The following LRMDA variants were observed in gnomAD, a reference collection of about 807,000 sequenced individuals.
LRMDA encodes leucine-rich melanocyte differentiation-associated protein.
A neutral mutation model predicts 29.8 loss-of-function variants in LRMDA; 18 were observed. The observed-to-expected ratio is 0.60, with a 90% confidence interval of 0.42 to 0.90. The LOEUF is 0.90. Ranked by LOEUF, LRMDA falls within the 40% of genes least tolerant of loss-of-function variation. LRMDA has a pLI of 0.00. For synonymous variants in LRMDA, 125 were observed against 109.4 expected (o/e 1.14, Z -0.89); for missense variants, 273 against 273.9 (o/e 1.00, Z 0.02).
chr10:76,200,071 C>T (rs1043269660), intron 5 of LRMDA, among the ~76,000 whole-genome samples: 2 of 152,186 alleles, frequency 1.3e-5, no homozygotes, highest in African/African-American at 4.8e-5. Context: ...AAGTGATCCT[C>T]CTGCCTCAGC....
chr10:75,606,720 T>G (rs757404861), intron 2 of LRMDA, among the ~76,000 whole-genome samples: 3 of 152,316 alleles, frequency 2.0e-5, no homozygotes, highest in Non-Finnish European at 4.4e-5. Flanking sequence ...TCTCTTTATA[T>G]TGGGAAAATT....
chr10:75,681,241 T>G (rs1842019128), intron 2 of LRMDA, among the ~76,000 whole-genome samples: 1 of 152,198 alleles, frequency 6.6e-6, no homozygotes, highest in African/African-American at 2.4e-5. Context: ...AATGATTGAT[T>G]TGGCTATGAG....
At chr10:76,274,667 A>C (rs1392582945) in intron 5 of LRMDA, among the ~76,000 whole-genome samples, 2 of 152,222 alleles carry the variant, frequency 1.3e-5, no homozygotes, top group Non-Finnish European at 2.9e-5. Context: ...CAGGGCAAAA[A>C]AAGAATGATG....
intron 2 of LRMDA, among the ~76,000 whole-genome samples, chr10:75,736,698 T>G (rs1187618873): frequency 2.0e-5 from 3 of 152,276 alleles, no homozygotes; most frequent in Non-Finnish European, 4.4e-5. Flanking sequence ...CTTCAAGAAG[T>G]TTTTTACATT....
At chr10:75,472,507 G>A (rs1012187518) in intron 2 of LRMDA, among the ~76,000 whole-genome samples, 1 of 152,160 alleles carries the variant, frequency 6.6e-6, no homozygotes, top group Non-Finnish European at 1.5e-5. Context: ...CAAATGGCAG[G>A]GACAATTTCT....
At chr10:76,167,348 A>G (rs547881390) in intron 5 of LRMDA, among the ~76,000 whole-genome samples, 1 of 152,100 alleles carries the variant, frequency 6.6e-6, no homozygotes, top group Non-Finnish European at 1.5e-5. Flanking sequence ...TTTTGTTGCA[A>G]TTGCTTTTGG....
intron 6 of LRMDA, among the ~76,000 whole-genome samples, chr10:76,360,975 A>G (rs543408240): frequency 6.6e-6 from 1 of 152,158 alleles, no homozygotes; most frequent in East Asian, 1.9e-4. Context: ...ATCAGGATTA[A>G]ATGGGCTGGG....
Position 76,089,218 on chromosome 10 carries a change from A to T in LRMDA, c.516+30435A>T, listed in dbSNP as rs1165784836. ...CACTGAGACTCTGAGAATTTCAGTG[A>T]ATCACTCAAGTTCCTACAGCTGGTA... On this transcript the variant is annotated intron_variant, in intron 5 of 6. Coordinates refer to ENST00000611255, the MANE Select transcript of LRMDA (RefSeq NM_001305581.2). 3.9e-5 allele frequency among the ~76,000 whole-genome samples: 6 copies of T among 152,148 alleles called. 1 individual carries two copies. Among genetic ancestry groups the T allele is most frequent in the Non-Finnish European group, 8.8e-5 (6 of 68,020 alleles).
intron 2 of LRMDA, among the ~76,000 whole-genome samples, chr10:75,521,448 C>G (rs993269600): frequency 6.6e-6 from 1 of 152,230 alleles, no homozygotes; most frequent in East Asian, 1.9e-4. Context: ...ACTGCAGCCT[C>G]GCAGGTCGAT....
At chr10:75,782,666 G>C in intron 2 of LRMDA, 1 of 1,051,474 alleles carries the variant, frequency 9.5e-7, no homozygotes, top group Non-Finnish European at 1.2e-6. Context: ...TCTAGTCCTC[G>C]CTGCCGGTGC....
chr10:75,506,378 G>C (rs1177411023), intron 2 of LRMDA, among the ~76,000 whole-genome samples: 1 of 152,110 alleles, frequency 6.6e-6, no homozygotes, highest in Admixed American at 6.5e-5. Flanking sequence ...AGCAAAGCTG[G>C]GATTTCCAAA....
intron 5 of LRMDA, among the ~76,000 whole-genome samples, chr10:76,305,682 C>T (rs1290947320): frequency 6.6e-6 from 1 of 152,126 alleles, no homozygotes; most frequent in Non-Finnish European, 1.5e-5. Context: ...GGACATCAGA[C>T]TTACTGATTA....
At chr10:75,925,486 G>C (rs1846105427) in intron 2 of LRMDA, among the ~76,000 whole-genome samples, 1 of 152,052 alleles carries the variant, frequency 6.6e-6, no homozygotes, top group Non-Finnish European at 1.5e-5. Flanking sequence ...AATATATTCT[G>C]AGAGACATCC....
intron 6 of LRMDA, among the ~76,000 whole-genome samples, chr10:76,407,905 G>A (rs542529115): frequency 3.8e-4 from 58 of 152,276 alleles, no homozygotes; most frequent in Admixed American, 3.5e-3. Context: ...TAAACATAGA[G>A]TTTTAGATTA....
At chr10:75,646,464 G>A (rs926217160) in intron 2 of LRMDA, among the ~76,000 whole-genome samples, 2 of 152,124 alleles carry the variant, frequency 1.3e-5, no homozygotes, top group Non-Finnish European at 2.9e-5. Flanking sequence ...CATATGAAAC[G>A]TCAAAATTCA....
intron 2 of LRMDA, among the ~76,000 whole-genome samples, chr10:75,520,853 C>T (rs1392960744): frequency 2.0e-5 from 3 of 152,184 alleles, no homozygotes; most frequent in Non-Finnish European, 4.4e-5. Context: ...TGGTGACCTA[C>T]AGATGGGGTT....
At chr10:76,013,702 G>A (rs909513134) in intron 2 of LRMDA, among the ~76,000 whole-genome samples, 2 of 152,046 alleles carry the variant, frequency 1.3e-5, no homozygotes, top group African/African-American at 4.8e-5. Context: ...GAAGAGTGGA[G>A]TTGACAAGCC....
intron 6 of LRMDA, among the ~76,000 whole-genome samples, chr10:76,376,315 A>C (rs576660125): frequency 6.6e-6 from 1 of 152,172 alleles, no homozygotes; most frequent in South Asian, 2.1e-4. Context: ...TGCTGCAGAA[A>C]ACATAATTTC....
At chr10:75,789,893 T>C (rs993555450) in intron 2 of LRMDA, among the ~76,000 whole-genome samples, 1 of 152,114 alleles carries the variant, frequency 6.6e-6, no homozygotes, top group South Asian at 2.1e-4. Flanking sequence ...AAAGAGAAGC[T>C]GAGGCTTGAT....
Sources: gnomAD v4.1 joint callset for allele counts (sites outside exome capture counted in the v4.1 genomes callset) on GRCh38, gnomAD v4.1.1 for gene constraint, MANE v1.5 for transcripts, NCBI Gene and HGNC (gene_info 2026-07-23, HGNC 2026-07-21) for gene names.